TRMT10B: variants seen among roughly 807,000 people sequenced by gnomAD.
The protein encoded by TRMT10B is tRNA methyltransferase 10B.
Under a neutral mutation model 43.8 loss-of-function variants are expected in TRMT10B, and 33 were observed. That is an observed-to-expected ratio of 0.75 (90% CI 0.57 to 1.01). TRMT10B has a LOEUF of 1.01. Ranked by LOEUF, TRMT10B falls within the 50% of genes least tolerant of loss-of-function variation. The pLI is 0.00. For missense variants in TRMT10B, 362 were observed against 369.8 expected, an observed-to-expected ratio of 0.98 and a Z score of 0.17; for synonymous variants, 137 against 130.6, an observed-to-expected ratio of 1.05 and a Z score of -0.34.
chr9:37,761,394 T>TG (rs1172115632), intron 1 of TRMT10B, among the ~76,000 whole-genome samples: 1 of 152,196 alleles, frequency 6.6e-6, no homozygotes, highest in Non-Finnish European at 1.5e-5. Flanking sequence ...GTGTTGTGCA[T>TG]GTCCTCTAAG....
chr9:37,762,102 T>C lies in TRMT10B; in HGVS notation c.171T>C (p.Ser57=), dbSNP rs73447234. 1,766 of 1,613,700 alleles carry C rather than the reference T, an allele frequency of 1.1e-3. 22 individuals carry two copies. The African/African-American group carries it at 0.021, about 19-fold the overall frequency. ...AGGGAGAGATCCTGGCCACAGGCAG[T>C]ACGGCATGGTGCTCGGTGAGTGCGT... is the stretch of plus-strand genomic sequence containing the variant. ...CQEGEILATG[S]TAWCSKNVQR... is the part of the protein sequence containing the mutation. Residue 57 remains serine (S), a synonymous_variant, in exon 2 of 9, where the codon AGT becomes AGC. Transcript: ENST00000297994.
chr9:37,772,737 A>C (rs1038508310), intron 7 of TRMT10B, among the ~76,000 whole-genome samples: 1 of 152,164 alleles, frequency 6.6e-6, no homozygotes, highest in Non-Finnish European at 1.5e-5. Context: ...TAATCCCAGC[A>C]CTTAGGGAGG....
intron 7 of TRMT10B, among the ~76,000 whole-genome samples, chr9:37,771,876 GT>G (rs74171525): frequency 4.6e-4 from 68 of 149,092 alleles, no homozygotes; most frequent in Non-Finnish European, 6.4e-4. Context: ...GACAGAAAAT[GT>G]TTTTTTTTTT....
At chr9:37,776,449 G>A in intron 8 of TRMT10B, 44 bp downstream of exon 8, 1 of 1,582,496 alleles carries the variant, frequency 6.3e-7, no homozygotes, top group South Asian at 1.2e-5. Flanking sequence ...GAGTTCTGGT[G>A]CTGCTGCTTT....
chr9:37,769,671 C>A, intron 5 of TRMT10B: 1 of 366,622 alleles, frequency 2.7e-6, no homozygotes, highest in Non-Finnish European at 5.1e-6. Flanking sequence ...GATCTTGGCT[C>A]TCTGCAACCT....
intron 1 of TRMT10B, among the ~76,000 whole-genome samples, chr9:37,755,046 G>A (rs1825473961): frequency 6.6e-6 from 1 of 152,098 alleles, no homozygotes; most frequent in African/African-American, 2.4e-5. Flanking sequence ...CCAGACAGGT[G>A]GGTCGCGAGG....
Position 37,769,308 on chromosome 9 carries a change from T to TAAAAAAAA in TRMT10B, c.574-607_574-600dup, listed in dbSNP as rs57651814. 7.2e-4 allele frequency among the ~76,000 whole-genome samples: 44 copies of TAAAAAAAA among 60,716 alleles called. 3 individuals carry two copies. Among genetic ancestry groups the TAAAAAAAA allele is most frequent in the Admixed American group, 1.6e-3 (7 of 4,344 alleles). 39.8% of individuals were successfully genotyped at this position (60,716 alleles called of 152,430 possible). ...GGGTGACAGAGCCAGACCCTGTCTT[T>TAAAAAAAA]AAAAAAAAAAAAAAAAAAAAAAAAA... On this transcript the variant is annotated intron_variant, in intron 5 of 8. Transcript: ENST00000297994.
chr9:37,765,819 G>A (rs12343460), intron 4 of TRMT10B, among the ~76,000 whole-genome samples: 55,448 of 151,976 alleles, frequency 0.36, 10,304 homozygotes, highest in Middle Eastern at 0.43. Context: ...GTTTTGATTT[G>A]CATTTCTCTG....
At chr9:37,769,312 A>AAAG (rs1164285738) in intron 5 of TRMT10B, among the ~76,000 whole-genome samples, 3 of 101,802 alleles carry the variant, frequency 2.9e-5, no homozygotes, top group Non-Finnish European at 6.8e-5. Flanking sequence ...TGTCTTTAAA[A>AAAG]AAAAAAAAAA....
chr9:37,753,389 G>A (rs932245753), upstream of TRMT10B, among the ~76,000 whole-genome samples: 1 of 152,224 alleles, frequency 6.6e-6, no homozygotes, highest in East Asian at 1.9e-4. Context: ...ATCAGTGCAT[G>A]TCCAACCGCC....
chr9:37,773,238 C>T (rs1030313217), intron 7 of TRMT10B, among the ~76,000 whole-genome samples: 3 of 151,784 alleles, frequency 2.0e-5, no homozygotes, highest in Non-Finnish European at 4.4e-5. Flanking sequence ...CTCCTGAGTA[C>T]GTAGGACTAT....
intron 1 of TRMT10B, among the ~76,000 whole-genome samples, chr9:37,761,450 G>A (rs560732928): frequency 2.0e-5 from 3 of 152,152 alleles, no homozygotes; most frequent in Non-Finnish European, 2.9e-5. Context: ...TGTAATCCCC[G>A]CACTTTGGGG....
At chr9:37,753,439 T>C (rs1454704245), upstream of TRMT10B, among the ~76,000 whole-genome samples, 2 of 152,200 alleles carry the variant, frequency 1.3e-5, no homozygotes, top group East Asian at 3.8e-4. Flanking sequence ...ATAACTAGTT[T>C]TTAAGGTTTC....
chr9:37,777,537 T>A, intron 8 of TRMT10B, 64 bp from the exon 9 acceptor site: 1 of 1,341,856 alleles, frequency 7.5e-7, no homozygotes, highest in Non-Finnish European at 1.1e-6. Context: ...CAGAACATCC[T>A]TTTCATTTAC....
chr9:37,772,420 G>T (rs1297115718), intron 7 of TRMT10B, among the ~76,000 whole-genome samples: 2 of 151,882 alleles, frequency 1.3e-5, no homozygotes, highest in Non-Finnish European at 2.9e-5. Context: ...CCAAATTGCT[G>T]GGATTACGGG....
At chr9:37,762,513 G>T (rs780776783) in intron 2 of TRMT10B, 64 bp from the exon 3 acceptor site, 1 of 1,515,874 alleles carries the variant, frequency 6.6e-7, no homozygotes, top group South Asian at 1.3e-5. Context: ...TGTTTCTAAT[G>T]TTCATTTTCC....
chr9:37,755,289 T>A (rs1354884785), intron 1 of TRMT10B, among the ~76,000 whole-genome samples: 3 of 149,134 alleles, frequency 2.0e-5, no homozygotes, highest in African/African-American at 5.0e-5. Flanking sequence ...TTTTTTTTTT[T>A]AAAGTTAGTT....
At chr9:37,760,774 A>G (rs948795441) in intron 1 of TRMT10B, among the ~76,000 whole-genome samples, 2 of 152,200 alleles carry the variant, frequency 1.3e-5, no homozygotes, top group African/African-American at 4.8e-5. Flanking sequence ...TACTACATAG[A>G]CTTAACACTT....
rs1826474349 is a variant in TRMT10B, at chr9:37,762,607, G to C, written c.217G>C (p.Glu73Gln). 4.4e-6 allele frequency: 7 copies of C among 1,596,948 alleles called. No individual in the cohort carries two copies. In the South Asian group the frequency reaches 5.7e-5, roughly 13 times the overall value. ...KNVQRKQRHW[E>Q]KIVAAKKSKR... ...TGTCCAGAGAAAACAGAGACACTGG[G>C]AAAAGATAGTTGCAGCAAAGAAGAG... Residue 73 changes from glutamate to glutamine, a missense_variant, in exon 3 of 9, where the codon GAA (glutamate) becomes CAA (glutamine). Coordinates refer to ENST00000297994, the MANE Select transcript of TRMT10B (RefSeq NM_144964.4).
Sources: gnomAD v4.1 joint callset for allele counts (sites outside exome capture counted in the v4.1 genomes callset) on GRCh38, gnomAD v4.1.1 for gene constraint, MANE v1.5 for transcripts, NCBI Gene and HGNC (gene_info 2026-07-23, HGNC 2026-07-21) for gene names.